The following UIMC1 variants were observed in gnomAD, a reference collection of about 807,000 sequenced individuals.
The protein encoded by UIMC1 is BRCA1-A complex subunit RAP80.
In UIMC1, 42 loss-of-function variants were observed where a neutral mutation model predicts 84.9. That is an observed-to-expected ratio of 0.49 (90% CI 0.39 to 0.64). The LOEUF is 0.64. Among genes scored for constraint, UIMC1 ranks in the 30% least tolerant of loss-of-function variants. UIMC1 has a pLI of 0.00. For missense variants in UIMC1, 825 were observed against 847.6 expected, an observed-to-expected ratio of 0.97 and a Z score of 0.33; for synonymous variants, 281 against 293.0, an observed-to-expected ratio of 0.96 and a Z score of 0.42.
intron 10 of UIMC1, among the ~76,000 whole-genome samples, chr5:176,925,866 A>C (rs1762332535): frequency 6.6e-6 from 1 of 152,136 alleles, no homozygotes; most frequent in African/African-American, 2.4e-5. Context: ...ATTTACACTT[A>C]TTTGTGCATT....
intron 1 of UIMC1, among the ~76,000 whole-genome samples, chr5:177,015,870 G>C (rs1430991504): frequency 1.3e-5 from 2 of 152,074 alleles, no homozygotes; most frequent in Non-Finnish European, 2.9e-5. Flanking sequence ...AAGAGTTCGA[G>C]ACCAGTTTGG....
At chr5:176,975,225 A>G (rs181741883) in intron 3 of UIMC1, among the ~76,000 whole-genome samples, 171 bp downstream of exon 3, 28 of 152,320 alleles carry the variant, frequency 1.8e-4, no homozygotes, top group Non-Finnish European at 2.9e-5. Flanking sequence ...AGGAAACTGA[A>G]AAAAGTTATT....
At chr5:176,947,651 T>C (rs1043057252) in intron 9 of UIMC1, among the ~76,000 whole-genome samples, 42 of 151,950 alleles carry the variant, frequency 2.8e-4, no homozygotes, top group Non-Finnish European at 5.6e-4. Flanking sequence ...ACCCCATCTC[T>C]ACTAAAAACA....
At chr5:177,007,070 A>G (rs1246889050), upstream of UIMC1, among the ~76,000 whole-genome samples, 1 of 152,186 alleles carries the variant, frequency 6.6e-6, no homozygotes, top group Non-Finnish European at 1.5e-5. Context: ...GCCGGGTGCG[A>G]TGGCTCACGC....
At position 176,943,491 on chromosome 5, in the gene UIMC1, G is replaced by A. The variant is rs1191602681; in HGVS notation, c.1444-3C>T. 5.0e-6 allele frequency: 8 copies of A among 1,613,506 alleles called. No individual in the cohort carries two copies. In the South Asian group the frequency reaches 6.6e-5, roughly 13 times the overall value. On this transcript the variant is annotated splice_region_variant and splice_polypyrimidine_tract_variant and intron_variant, in intron 9 of 14. Transcript: ENST00000511320. ...TCAGCATCTTCCTTGTTACCAACCT[G>A]AAGAACATGACAAACAGCAATCATA...
chr5:177,007,340 CAAAAAAA>C (rs56871601), upstream of UIMC1, among the ~76,000 whole-genome samples: 60 of 58,394 alleles, frequency 1.0e-3, no homozygotes, highest in East Asian at 5.0e-3. Flanking sequence ...GACTCCGTCT[CAAAAAAA>C]AAAAAAAAAA....
At chr5:176,932,983 C>T (rs771983366) in intron 10 of UIMC1, among the ~76,000 whole-genome samples, 2 of 151,580 alleles carry the variant, frequency 1.3e-5, no homozygotes, top group Non-Finnish European at 2.9e-5. Flanking sequence ...CTTTTCCCCA[C>T]ATCAGTGCCA....
chr5:176,969,611 C>T lies in UIMC1; in HGVS notation c.453G>A (p.Gly151=). The T allele has an allele frequency of 6.2e-7, 1 of 1,614,048 alleles. No homozygotes were observed. Among genetic ancestry groups the T allele is most frequent in the Non-Finnish European group, 8.5e-7 (1 of 1,179,974 alleles). ...QSHQEKTTDS[G]LTEGIWQLVP... The stretch of plus-strand genomic sequence containing the variant: ...AACAGGGAGACATGCCTTCAGTGAG[C>T]CCAGAGTCTGTGGTTTTCTCTTGAT... Residue 151 remains glycine, a synonymous_variant, in exon 5 of 15, where the codon GGG becomes GGA. Transcript: ENST00000511320.
intron 9 of UIMC1, among the ~76,000 whole-genome samples, chr5:176,949,521 TC>T (rs781723544): frequency 3.3e-4 from 50 of 152,198 alleles, no homozygotes; most frequent in Non-Finnish European, 6.9e-4. Context: ...TTCTGTTTCT[TC>T]CTGAGAAAAC....
At chr5:176,927,728 T>C (rs1292237922) in intron 10 of UIMC1, among the ~76,000 whole-genome samples, 1 of 151,928 alleles carries the variant, frequency 6.6e-6, no homozygotes, top group East Asian at 1.9e-4. Context: ...AGAGGACATT[T>C]TGAAAAACCA....
At position 177,012,402 on chromosome 5, in the gene UIMC1, G is replaced by A. The variant is rs138352015; in HGVS notation, c.-9+10062C>T. On this transcript the variant is annotated intron_variant, in intron 1 of 5. Transcript: ENST00000509236. ...TGGGTCATGGAGTCTTACTGACTTCGAAACTGACTTCAGGGCCAGGCGCAG... is the reference window on the plus strand; with the variant it reads ...TGGGTCATGGAGTCTTACTGACTTCAAAACTGACTTCAGGGCCAGGCGCAG... Among the ~76,000 whole-genome samples, 698 of 152,166 alleles carry A rather than the reference G, an allele frequency of 4.6e-3. 4 individuals carry two copies. Among genetic ancestry groups the A allele is most frequent in the African/African-American group, 0.015 (642 of 41,526 alleles).
chr5:176,971,396 A>C (rs1769174607), intron 3 of UIMC1, among the ~76,000 whole-genome samples: 1 of 152,192 alleles, frequency 6.6e-6, no homozygotes, highest in Non-Finnish European at 1.5e-5. Context: ...GCTGGGTCCC[A>C]AGTCCAAAGC....
At chr5:176,926,459 C>A (rs1209525608) in intron 10 of UIMC1, among the ~76,000 whole-genome samples, 2 of 151,962 alleles carry the variant, frequency 1.3e-5, no homozygotes, top group Non-Finnish European at 2.9e-5. Context: ...CATAGCAAGA[C>A]CCCCATCACT....
chr5:176,919,619 T>C (rs1313617664), intron 10 of UIMC1, among the ~76,000 whole-genome samples: 14 of 152,182 alleles, frequency 9.2e-5, no homozygotes, highest in Admixed American at 9.2e-4. Flanking sequence ...TGTAGCTGCC[T>C]ATAAAAGCTT....
Position 176,933,579 on chromosome 5 carries a change from G to A in UIMC1, c.1597+9756C>T, listed in dbSNP as rs188440373. 1.3e-4 allele frequency among the ~76,000 whole-genome samples: 20 copies of A among 151,440 alleles called. No homozygotes were observed. In the East Asian group the frequency reaches 3.9e-3, roughly 29 times the overall value. ...AGGGTCTTGCTCAGTCACTCAGGCT[G>A]GAGTGGAGTGGTGCAATCACAATCA... On this transcript the variant is annotated intron_variant, in intron 10 of 14. Transcript: ENST00000511320.
chr5:176,977,937 A>G (rs908326102), intron 2 of UIMC1, among the ~76,000 whole-genome samples: 1 of 151,958 alleles, frequency 6.6e-6, no homozygotes, highest in African/African-American at 2.4e-5. Flanking sequence ...AAAAATAAAA[A>G]TAATAACAAA....
rs779279628 is a variant in UIMC1 at position 176,950,100 on chromosome 5, C to CTTTTT, written c.1443+1369_1443+1373dup. On this transcript the variant is annotated intron_variant, in intron 9 of 14. Transcript: ENST00000511320. ...TTCCAGAATATAAAAAGGAACCTTTCTTTTTTTTTTTTTTTTTTGAGACGG... is the reference window on the plus strand; with the variant it reads ...TTCCAGAATATAAAAAGGAACCTTTCTTTTTTTTTTTTTTTTTTTTTTTGAGACGG... Among the ~76,000 whole-genome samples the CTTTTT allele has an allele frequency of 6.4e-5, 7 of 108,654 alleles. 1 individual carries two copies. Among genetic ancestry groups the CTTTTT allele is most frequent in the Middle Eastern group, 0.01 (2 of 192 alleles). The allele number at this position is 108,654 out of a possible 152,430, so 71.3% of individuals were successfully genotyped here. A position where few individuals can be genotyped will look rare whatever the true frequency, so the allele number is the denominator to read the frequency against.
intron 1 of UIMC1, among the ~76,000 whole-genome samples, chr5:177,000,498 C>CTTTTTTTTTTTT (rs966855813): frequency 2.6e-5 from 3 of 113,336 alleles, no homozygotes; most frequent in African/African-American, 8.0e-5. Flanking sequence ...ACTTGCATGT[C>CTTTTTTTTTTTT]TTTTTTTTTT....
chr5:176,911,112 GAAGAA>G (rs35830185), intron 11 of UIMC1, among the ~76,000 whole-genome samples, 194 bp downstream of exon 11: 14,425 of 115,972 alleles, frequency 0.12, 1,075 homozygotes, highest in East Asian at 0.21. Flanking sequence ...GAGAGAGAGA[GAAGAA>G]AAGAAAAGAA....
Sources: allele counts gnomAD v4.1 joint callset (sites outside exome capture counted in the v4.1 genomes callset), GRCh38; gene constraint gnomAD v4.1.1; transcripts MANE v1.5; gene names NCBI Gene and HGNC (gene_info 2026-07-23, HGNC 2026-07-21).